Variants in ITGA9 observed in about 807,000 individuals in gnomAD.
ITGA9 encodes the protein integrin alpha-9.
A neutral mutation model predicts 127.8 loss-of-function variants in ITGA9; 56 were observed. That is an observed-to-expected ratio of 0.44 (90% CI 0.35 to 0.55). The LOEUF (loss-of-function observed/expected upper bound fraction) is 0.55. Among genes scored for constraint, ITGA9 ranks in the 20% least tolerant of loss-of-function variants. The pLI is 0.00. For missense variants in ITGA9, 1,196 were observed against 1,347.1 expected, an observed-to-expected ratio of 0.89 and a Z score of 1.76; for synonymous variants, 508 against 514.5, an observed-to-expected ratio of 0.99 and a Z score of 0.17.
chr3:37,626,236 A>G (rs1700175126), intron 15 of ITGA9, among the ~76,000 whole-genome samples: 2 of 152,332 alleles, frequency 1.3e-5, no homozygotes, highest in South Asian at 4.1e-4. Context: ...AACCTGATGT[A>G]GTTGGGGTGG....
chr3:37,541,621 C>G (rs1005920916), intron 14 of ITGA9, among the ~76,000 whole-genome samples: 2 of 152,098 alleles, frequency 1.3e-5, no homozygotes, highest in African/African-American at 4.8e-5. Flanking sequence ...CATACACATT[C>G]AGGTATGGGG....
At position 37,597,314 on chromosome 3, in the gene ITGA9, G is replaced by C. The variant is rs1383629431; in HGVS notation, c.1690-31873G>C. On this transcript the variant is annotated intron_variant, in intron 15 of 27. Coordinates refer to ENST00000264741, the MANE Select transcript of ITGA9 (RefSeq NM_002207.3). The surrounding 1 kb of genome is among the most constrained non-coding windows in gnomAD (Gnocchi z 4.6). ...AAAGGGCCAACCTCAGTATCTAAGG[G>C]TTAAGGGTGTGCAAGAGAGTGCAAT... 2.0e-5 allele frequency among the ~76,000 whole-genome samples: 3 copies of C among 152,176 alleles called. No individual in the cohort carries two copies. Among genetic ancestry groups the C allele is most frequent in the East Asian group, 1.9e-4 (1 of 5,196 alleles).
intron 26 of ITGA9, among the ~76,000 whole-genome samples, chr3:37,786,054 T>C (rs4084868): frequency 0.37 from 56,253 of 151,546 alleles, 10,643 homozygotes; most frequent in East Asian, 0.46. Context: ...CTGTATTTGA[T>C]GCCCACACTC....
intron 15 of ITGA9, among the ~76,000 whole-genome samples, chr3:37,586,639 G>A (rs1699762740): frequency 6.6e-6 from 1 of 152,218 alleles, no homozygotes; most frequent in African/African-American, 2.4e-5. Flanking sequence ...TGTGCTATGA[G>A]AATTTTGGGG....
intron 5 of ITGA9, among the ~76,000 whole-genome samples, chr3:37,495,676 G>A (rs1479427483): frequency 6.6e-6 from 1 of 152,102 alleles, no homozygotes; most frequent in African/African-American, 2.4e-5. Context: ...GTCTTCTTAT[G>A]TCTATTATGC....
intron 17 of ITGA9, among the ~76,000 whole-genome samples, chr3:37,669,401 C>G (rs1309921241): frequency 6.6e-6 from 1 of 152,198 alleles, no homozygotes; most frequent in African/African-American, 2.4e-5. Flanking sequence ...TGCCCACAGC[C>G]TTGGTCCACT....
Position 37,552,160 on chromosome 3 carries a change from G to A in ITGA9, c.1689+9575G>A, listed in dbSNP as rs149710360. On this transcript the variant is annotated intron_variant, in intron 15 of 27. Transcript: ENST00000264741. ...GGATCTGGGTAAAGGTGGCAGTGAC[G>A]CGTCGGTGCAGAGAATTCCTGTTTT... 2.3e-3 allele frequency among the ~76,000 whole-genome samples: 348 copies of A among 152,284 alleles called. 1 individual carries two copies. Among genetic ancestry groups the A allele is most frequent in the South Asian group, 5.4e-3 (26 of 4,820 alleles).
chr3:37,518,268 A>G (rs573097389), intron 10 of ITGA9, among the ~76,000 whole-genome samples: 3 of 152,318 alleles, frequency 2.0e-5, no homozygotes, highest in Non-Finnish European at 4.4e-5. Flanking sequence ...GAGGCAGAGC[A>G]ACCATGTCAC....
At chr3:37,702,989 C>G (rs1272878650) in intron 18 of ITGA9, among the ~76,000 whole-genome samples, 2 of 152,032 alleles carry the variant, frequency 1.3e-5, no homozygotes, top group Non-Finnish European at 2.9e-5. Context: ...CGGAAGGTTC[C>G]AGGTGTTGGG....
intron 5 of ITGA9, among the ~76,000 whole-genome samples, chr3:37,495,872 C>T (rs1335514096): frequency 6.6e-6 from 1 of 152,212 alleles, no homozygotes; most frequent in Non-Finnish European, 1.5e-5. Flanking sequence ...GCCCCAGGGT[C>T]CTTCAAATGA....
intron 15 of ITGA9, among the ~76,000 whole-genome samples, chr3:37,559,128 G>C (rs1001216704): frequency 1.3e-5 from 2 of 152,234 alleles, no homozygotes; most frequent in South Asian, 2.1e-4. Context: ...TGATGGAGTA[G>C]GTTCCAGCGT....
At chr3:37,657,624 C>CCA (rs763185776) in intron 17 of ITGA9, among the ~76,000 whole-genome samples, 2 of 141,252 alleles carry the variant, frequency 1.4e-5, no homozygotes, top group Non-Finnish European at 3.1e-5. Context: ...TTGATCTTTT[C>CCA]AAAAAAAAAA....
At chr3:37,594,476 C>G (rs1214897635) in intron 15 of ITGA9, among the ~76,000 whole-genome samples, 1 of 150,322 alleles carries the variant, frequency 6.7e-6, no homozygotes, top group African/African-American at 2.5e-5. Flanking sequence ...GTTTTTTAGG[C>G]AGGGGTCACT....
At chr3:37,738,873 G>C (rs1037947399) in intron 20 of ITGA9, among the ~76,000 whole-genome samples, 1 of 152,214 alleles carries the variant, frequency 6.6e-6, no homozygotes, top group Non-Finnish European at 1.5e-5. Flanking sequence ...TATTGCAATT[G>C]TGAAAGGTTC....
intron 14 of ITGA9, among the ~76,000 whole-genome samples, chr3:37,542,214 G>A (rs11918778): frequency 0.038 from 5,809 of 152,208 alleles, 125 homozygotes; most frequent in Non-Finnish European, 0.05. Context: ...TCATTAGAAA[G>A]GCAGAGGACA....
At chr3:37,664,709 C>A (rs576994121) in intron 17 of ITGA9, among the ~76,000 whole-genome samples, 1 of 152,134 alleles carries the variant, frequency 6.6e-6, no homozygotes, top group South Asian at 2.1e-4. Context: ...GCCGAGTCAG[C>A]ACATTCTTTA....
chr3:37,685,114 A>G (rs1327255097), intron 18 of ITGA9, among the ~76,000 whole-genome samples: 4 of 152,240 alleles, frequency 2.6e-5, no homozygotes, highest in Non-Finnish European at 4.4e-5. Context: ...AAATGGAACC[A>G]AAATCACTTT....
At chr3:37,466,482 T>A (rs1379959692) in intron 1 of ITGA9, among the ~76,000 whole-genome samples, 1 of 1,936 alleles carries the variant, frequency 5.2e-4, no homozygotes, top group Admixed American at 8.2e-3. Context: ...AGACACCATC[T>A]CAAAAAAAAA....
rs547456885 is a variant in ITGA9 at position 37,506,052 on chromosome 3, A to G, written c.795A>G (p.Val265=). ...HFSHPSTIDV[V]GGAPQDKGIG... is the part of the protein sequence containing the mutation. ...CTCACCCGTCCACCATTGATGTGGT[A>G]GGAGGTGCCCCACAGGACAAAGGCA... Residue 265 remains valine (V), a synonymous_variant, in exon 7 of 28, where the codon GTA becomes GTG. Transcript: ENST00000264741. 20 of 1,610,504 alleles carry G rather than the reference A, an allele frequency of 1.2e-5. No homozygotes were observed. Among genetic ancestry groups the G allele is most frequent in the African/African-American group, 6.7e-5 (5 of 74,976 alleles).
Sources: allele counts gnomAD v4.1 joint callset (sites outside exome capture counted in the v4.1 genomes callset), GRCh38; gene constraint gnomAD v4.1.1; non-coding constraint Gnocchi (gnomAD v3.1); transcripts MANE v1.5; gene names NCBI Gene and HGNC (gene_info 2026-07-23, HGNC 2026-07-21).